The following RERE variants were observed in gnomAD, a reference collection of about 807,000 sequenced individuals.
RERE encodes arginine-glutamic acid dipeptide repeats.
A neutral mutation model predicts 146.1 loss-of-function variants in RERE; 40 were observed. The observed-to-expected ratio is 0.27, with a 90% CI of 0.21 to 0.36. The LOEUF (loss-of-function observed/expected upper bound fraction) is 0.36, where lower values mean the gene tolerates loss of function less well. Ranked by LOEUF, RERE falls within the 10% of genes least tolerant of loss-of-function variation. RERE has a pLI of 1.00. For missense variants in RERE, 1,933 were observed against 2,138.7 expected, an observed-to-expected ratio of 0.90 and a Z score of 1.90; for synonymous variants, 1,003 against 866.0, an observed-to-expected ratio of 1.16 and a Z score of -2.78.
At chr1:8,542,547 C>A (rs1260917103) in intron 6 of RERE, among the ~76,000 whole-genome samples, 1 of 152,148 alleles carries the variant, frequency 6.6e-6, no homozygotes, top group African/African-American at 2.4e-5. Context: ...GTCAGCCAGG[C>A]ACAGTGACTT....
intron 7 of RERE, among the ~76,000 whole-genome samples, chr1:8,534,806 C>G (rs543066323): frequency 6.6e-6 from 1 of 152,218 alleles, no homozygotes; most frequent in Non-Finnish European, 1.5e-5. Context: ...GCAGACATCA[C>G]GTCCAGCAAC....
rs1640921059 is a variant in RERE, at chr1:8,770,343, G to C, written c.-145+46817C>G. On this transcript the variant is annotated intron_variant, in intron 1 of 22. Transcript: ENST00000400908. ...TTTTTTTAAAAGGATGACTGTAAGG[G>C]GTCATTCCCCATGGATTATGGATAA... Among the ~76,000 whole-genome samples, 3 of 152,154 alleles carry C rather than the reference G, an allele frequency of 2.0e-5. No individual in the cohort carries two copies. In the South Asian group the frequency reaches 6.2e-4, roughly 32 times the overall value.
At chr1:8,390,231 A>G (rs1007109161) in intron 12 of RERE, among the ~76,000 whole-genome samples, 10 of 152,196 alleles carry the variant, frequency 6.6e-5, no homozygotes, top group Non-Finnish European at 2.9e-5. Context: ...GGCATACAGA[A>G]GAGCAGAGAC....
At chr1:8,564,845 T>C (rs1005586260) in intron 4 of RERE, among the ~76,000 whole-genome samples, 1 of 139,282 alleles carries the variant, frequency 7.2e-6, no homozygotes, top group Admixed American at 7.4e-5. Flanking sequence ...TGTGTGTGTG[T>C]GTGTGTGTGT....
At chr1:8,647,641 ATGTGTGTGTGTGTGTGTGTG>A (rs1553127411) in intron 2 of RERE, among the ~76,000 whole-genome samples, 64 of 148,642 alleles carry the variant, frequency 4.3e-4, no homozygotes, top group African/African-American at 1.5e-3. Flanking sequence ...TAAAATATGT[ATGTGTGTGTGTGTGTGTGTG>A]TGTGTGTGTG....
intron 2 of RERE, among the ~76,000 whole-genome samples, chr1:8,639,323 T>C (rs1254834160): frequency 6.6e-6 from 1 of 152,192 alleles, no homozygotes; most frequent in Non-Finnish European, 1.5e-5. Context: ...ACTGATGGTC[T>C]CTACAACAGC....
chr1:8,743,597 G>A (rs1640359969), intron 1 of RERE, among the ~76,000 whole-genome samples: 1 of 151,802 alleles, frequency 6.6e-6, no homozygotes, highest in Non-Finnish European at 1.5e-5. Flanking sequence ...TATTCCAACT[G>A]ATATATATTT....
chr1:8,800,731 C>T (rs149376846), intron 1 of RERE, among the ~76,000 whole-genome samples: 60 of 151,842 alleles, frequency 4.0e-4, no homozygotes, highest in Non-Finnish European at 6.6e-4. Flanking sequence ...TTTGGGAGGC[C>T]GAGGCGTGTG....
At chr1:8,555,150 C>G (rs1440817920) in intron 6 of RERE, among the ~76,000 whole-genome samples, 1 of 152,226 alleles carries the variant, frequency 6.6e-6, no homozygotes, top group Non-Finnish European at 1.5e-5. Context: ...CCAGAAAAGC[C>G]ATATCTGGCA....
At chr1:8,470,356 A>C (rs986992406) in intron 10 of RERE, among the ~76,000 whole-genome samples, 2 of 151,946 alleles carry the variant, frequency 1.3e-5, no homozygotes, top group African/African-American at 4.8e-5. Context: ...TCCGCCTCCC[A>C]GTTCAAGCGA....
intron 1 of RERE, among the ~76,000 whole-genome samples, chr1:8,813,027 C>T (rs1328172124): frequency 6.6e-6 from 1 of 151,990 alleles, no homozygotes; most frequent in African/African-American, 2.4e-5. Context: ...CAAAATCACA[C>T]TTAAATAGGA....
At chr1:8,377,272 C>A (rs986083340) in intron 12 of RERE, among the ~76,000 whole-genome samples, 1 of 152,066 alleles carries the variant, frequency 6.6e-6, no homozygotes, top group Non-Finnish European at 1.5e-5. Flanking sequence ...CACACAAGGG[C>A]CCCCTTGGAG....
Position 8,726,147 on chromosome 1 carries a change from C to CTTTTCTTTTTTTTTTT in RERE, c.-144-69707_-144-69706insAAAAAAAAAAAGAAAA, listed in dbSNP as rs1639960710. Among the ~76,000 whole-genome samples the CTTTTCTTTTTTTTTTT allele has an allele frequency of 8.6e-4, 60 of 69,416 alleles. 1 individual carries two copies. Among genetic ancestry groups the CTTTTCTTTTTTTTTTT allele is most frequent in the African/African-American group, 3.8e-3 (59 of 15,358 alleles). 45.5% of individuals were successfully genotyped at this position (69,416 alleles called of 152,430 possible). A position where few individuals can be genotyped will look rare whatever the true frequency, so the allele number is the denominator to read the frequency against. On this transcript the variant is annotated intron_variant, in intron 1 of 22. Coordinates refer to ENST00000400908, the MANE Select transcript of RERE (RefSeq NM_001042681.2). Reference sequence around the variant, plus strand: ...AATTCCAGTTTTCCTTTTTTCTTTTCTTTTTTTTTTTTTTTTTTTTTTTTT... The same window carrying CTTTTCTTTTTTTTTTT: ...AATTCCAGTTTTCCTTTTTTCTTTTCTTTTCTTTTTTTTTTTTTTTTTTTTTTTTTTTTTTTTTTTT...
At chr1:8,497,606 G>C in intron 8 of RERE, 77 bp from the exon 9 acceptor site, 1 of 1,492,654 alleles carries the variant, frequency 6.7e-7, no homozygotes, top group Non-Finnish European at 9.3e-7. Context: ...GCAGTCTTTA[G>C]GAACATATAC....
chr1:8,624,012 G>A (rs531413310), intron 3 of RERE, among the ~76,000 whole-genome samples: 1 of 152,284 alleles, frequency 6.6e-6, no homozygotes, highest in African/African-American at 2.4e-5. Context: ...CAATGGCTGA[G>A]AAGAAACAAG....
intron 1 of RERE, among the ~76,000 whole-genome samples, chr1:8,739,874 T>C (rs1297968857): frequency 1.3e-5 from 2 of 150,034 alleles, no homozygotes; most frequent in African/African-American, 4.9e-5. Flanking sequence ...TAATAAATAA[T>C]ATATTATTGT....
intron 1 of RERE, chr1:8,750,751 G>A (rs1189870366): frequency 5.1e-6 from 4 of 785,560 alleles, no homozygotes; most frequent in Non-Finnish European, 9.2e-6. Context: ...TCTGAAAGGT[G>A]TTGCAGCTTC....
At chr1:8,782,389 G>A (rs1374816926) in intron 1 of RERE, among the ~76,000 whole-genome samples, 2 of 151,962 alleles carry the variant, frequency 1.3e-5, no homozygotes, top group South Asian at 2.1e-4. Flanking sequence ...ACTTTTTAAC[G>A]TCCCTGGACT....
intron 2 of RERE, among the ~76,000 whole-genome samples, chr1:8,655,398 G>T (rs945426155): frequency 6.6e-6 from 1 of 151,940 alleles, no homozygotes; most frequent in African/African-American, 2.4e-5. Context: ...GTAGAGACAG[G>T]GTTTCATCAT....
Sources: gnomAD v4.1 joint callset for allele counts (sites outside exome capture counted in the v4.1 genomes callset) on GRCh38, gnomAD v4.1.1 for gene constraint, MANE v1.5 for transcripts, NCBI Gene and HGNC (gene_info 2026-07-23, HGNC 2026-07-21) for gene names.